The following MDFIC2 variants were observed in gnomAD, a reference collection of about 807,000 sequenced individuals.
MDFIC2 encodes the protein myoD family inhibitor domain-containing protein 2.
chr3:70,200,145 C>G (rs1252718176), intron 3 of MDFIC2, among the ~76,000 whole-genome samples: 14 of 152,214 alleles, frequency 9.2e-5, no homozygotes, highest in Admixed American at 9.2e-4. Context: ...TGCTCACCAC[C>G]TGCAGGGCCA....
chr3:70,252,367 T>C (rs1477873593), intron 2 of MDFIC2, among the ~76,000 whole-genome samples: 1 of 152,218 alleles, frequency 6.6e-6, no homozygotes, highest in Non-Finnish European at 1.5e-5. Flanking sequence ...TTTGCTTCAG[T>C]GTATGACTTT....
chr3:70,223,526 G>A (rs1282085742), intron 2 of MDFIC2, among the ~76,000 whole-genome samples: 1 of 152,138 alleles, frequency 6.6e-6, no homozygotes, highest in African/African-American at 2.4e-5. Flanking sequence ...CTAGCGCAGT[G>A]CCTCAATTTG....
At chr3:70,288,074 T>A (rs1248428513) in intron 2 of MDFIC2, among the ~76,000 whole-genome samples, 3 of 149,686 alleles carry the variant, frequency 2.0e-5, no homozygotes, top group South Asian at 2.1e-4. Context: ...TCTGCTCTGA[T>A]TTTAGTTAGT....
At chr3:70,234,526 G>A (rs1701589874) in intron 2 of MDFIC2, among the ~76,000 whole-genome samples, 1 of 151,994 alleles carries the variant, frequency 6.6e-6, no homozygotes, top group East Asian at 1.9e-4. Context: ...GCATGCACCT[G>A]TAGTCCCAGA....
At chr3:70,199,837 C>A (rs1248735540) in intron 3 of MDFIC2, among the ~76,000 whole-genome samples, 1 of 152,166 alleles carries the variant, frequency 6.6e-6, no homozygotes, top group Admixed American at 6.5e-5. Context: ...TTCTCTCAGC[C>A]CATCCAAAAG....
chr3:70,256,665 C>A (rs1199080613), intron 2 of MDFIC2, among the ~76,000 whole-genome samples: 3 of 152,190 alleles, frequency 2.0e-5, no homozygotes, highest in African/African-American at 7.2e-5. Flanking sequence ...TGCGTCCCTC[C>A]TTCCCTCCTT....
chr3:70,221,021 T>C (rs1701456884), intron 2 of MDFIC2, among the ~76,000 whole-genome samples: 1 of 152,204 alleles, frequency 6.6e-6, no homozygotes, highest in African/African-American at 2.4e-5. Context: ...GCTAGTCTAT[T>C]TGCTTTTTCC....
intron 2 of MDFIC2, among the ~76,000 whole-genome samples, chr3:70,256,089 T>C (rs749492300): frequency 6.6e-5 from 10 of 152,192 alleles, no homozygotes; most frequent in Non-Finnish European, 1.5e-4. Context: ...ATTCAGGGTT[T>C]TAGGTAATGG....
rs1701616996 is a variant in MDFIC2, at chr3:70,237,049, T to C, written c.89-30259A>G. 4.1e-5 allele frequency among the ~76,000 whole-genome samples: 6 copies of C among 146,006 alleles called. No individual in the cohort carries two copies. In the Admixed American group the frequency reaches 4.2e-4, roughly 10 times the overall value. ...TTACTGCAGCTTGCCCCATTCTCAC[T>C]GCTCTTTGACAAATTTATTTGGTTC... On this transcript the variant is annotated intron_variant, in intron 2 of 3. Coordinates refer to ENST00000567252, the MANE Select transcript of MDFIC2 (RefSeq NM_001364677.1).
chr3:70,263,190 T>C (rs1219416107), intron 2 of MDFIC2, among the ~76,000 whole-genome samples: 1 of 152,186 alleles, frequency 6.6e-6, no homozygotes, highest in African/African-American at 2.4e-5. Flanking sequence ...TGATTTTTCC[T>C]TCTGGTTATG....
chr3:70,227,571 G>A (rs534175552), intron 2 of MDFIC2, among the ~76,000 whole-genome samples: 1 of 152,310 alleles, frequency 6.6e-6, no homozygotes, highest in Non-Finnish European at 1.5e-5. Flanking sequence ...AAATAAGAAA[G>A]TGAAAAGTTG....
At chr3:70,269,376 C>A (rs928533719) in intron 2 of MDFIC2, among the ~76,000 whole-genome samples, 7 of 152,176 alleles carry the variant, frequency 4.6e-5, no homozygotes, top group African/African-American at 1.7e-4. Flanking sequence ...TACATAGACA[C>A]CCTGTAACCT....
intron 2 of MDFIC2, 99 bp from the exon 3 acceptor site, chr3:70,206,889 A>T: frequency 2.5e-6 from 1 of 395,488 alleles, no homozygotes; most frequent in Non-Finnish European, 4.5e-6. Flanking sequence ...CTTTCCTAAG[A>T]TTAAAGTCTT....
At chr3:70,300,279 C>A (rs1480224431) in intron 2 of MDFIC2, among the ~76,000 whole-genome samples, 2 of 152,098 alleles carry the variant, frequency 1.3e-5, no homozygotes, top group African/African-American at 4.8e-5. Context: ...AACATTTCTC[C>A]TTTATTTAAA....
chr3:70,251,982 G>T (rs1242736719), intron 2 of MDFIC2, among the ~76,000 whole-genome samples: 1 of 152,154 alleles, frequency 6.6e-6, no homozygotes, highest in Non-Finnish European at 1.5e-5. Context: ...TTCAAAACAC[G>T]TGTTAAGGAA....
intron 3 of MDFIC2, among the ~76,000 whole-genome samples, chr3:70,198,230 A>G (rs1170536994): frequency 6.6e-6 from 1 of 152,144 alleles, no homozygotes; most frequent in Non-Finnish European, 1.5e-5. Flanking sequence ...TCTCCTCTAG[A>G]TGGGCTTATC....
At chr3:70,200,711 T>C (rs1457112903) in intron 3 of MDFIC2, among the ~76,000 whole-genome samples, 1 of 152,140 alleles carries the variant, frequency 6.6e-6, no homozygotes, top group African/African-American at 2.4e-5. Context: ...GAAAGCCATA[T>C]CTCTCTCTCT....
At chr3:70,225,967 T>C (rs1701502599) in intron 2 of MDFIC2, among the ~76,000 whole-genome samples, 1 of 152,208 alleles carries the variant, frequency 6.6e-6, no homozygotes, top group South Asian at 2.1e-4. Context: ...TCATTAACAA[T>C]GTAGACAGGA....
intron 2 of MDFIC2, among the ~76,000 whole-genome samples, chr3:70,311,269 T>A (rs561134237): frequency 5.9e-5 from 9 of 152,184 alleles, no homozygotes; most frequent in Non-Finnish European, 1.0e-4. Flanking sequence ...AAAGTGATCA[T>A]AAAATCAAAA....
Sources: gnomAD v4.1 joint callset for allele counts (sites outside exome capture counted in the v4.1 genomes callset) on GRCh38, gnomAD v4.1.1 for gene constraint, MANE v1.5 for transcripts, NCBI Gene and HGNC (gene_info 2026-07-23, HGNC 2026-07-21) for gene names.